Variants in ANK1 observed in about 807,000 individuals in gnomAD.
ANK1 encodes ankyrin 1, also known as ankyrin-1.
ANK1 carries 51 observed loss-of-function variants against 210.4 expected under a neutral mutation model. That is an observed-to-expected ratio of 0.24 (90% CI 0.19 to 0.31). The LOEUF (loss-of-function observed/expected upper bound fraction) is 0.31, where lower values mean the gene tolerates loss of function less well. Among genes scored for constraint, ANK1 ranks in the 10% least tolerant of loss-of-function variants. ANK1 has a pLI of 1.00. For synonymous variants in ANK1, 967 were observed against 1,025.9 expected, an observed-to-expected ratio of 0.94 and a Z score of 1.10; for missense variants, 2,051 against 2,504.4, an observed-to-expected ratio of 0.82 and a Z score of 3.86.
chr8:41,885,031 G>A (rs1046023650), intron 1 of ANK1, among the ~76,000 whole-genome samples: 4 of 151,912 alleles, frequency 2.6e-5, no homozygotes, highest in Non-Finnish European at 5.9e-5. Flanking sequence ...AAGGGTTTTC[G>A]GAAGGGAAGT....
At chr8:41,809,682 C>T (rs1392291149) in intron 1 of ANK1, among the ~76,000 whole-genome samples, 2 of 152,240 alleles carry the variant, frequency 1.3e-5, no homozygotes, top group South Asian at 4.1e-4. Flanking sequence ...GCAGGAGGGT[C>T]GCTTGAGCCC....
intron 1 of ANK1, among the ~76,000 whole-genome samples, chr8:41,821,163 G>T (rs535673806): frequency 6.6e-6 from 1 of 152,050 alleles, no homozygotes; most frequent in Non-Finnish European, 1.5e-5. Context: ...GTCTCCTAAG[G>T]TCATATTTTA....
chr8:41,845,547 G>T (rs757920563), intron 1 of ANK1, among the ~76,000 whole-genome samples: 1 of 152,108 alleles, frequency 6.6e-6, no homozygotes, highest in South Asian at 2.1e-4. Flanking sequence ...GGTGTGGTGC[G>T]TGCCTTTGGG....
At chr8:41,791,393 T>C (rs1452043290) in intron 1 of ANK1, among the ~76,000 whole-genome samples, 1 of 151,264 alleles carries the variant, frequency 6.6e-6, no homozygotes, top group East Asian at 1.9e-4. Flanking sequence ...GGTCTCAAGC[T>C]CCTAACCTCA....
intron 17 of ANK1, among the ~76,000 whole-genome samples, chr8:41,707,002 A>C (rs915896278): frequency 2.6e-5 from 4 of 152,220 alleles, no homozygotes; most frequent in African/African-American, 4.8e-5. Context: ...TGGGTGGCTG[A>C]GGCAGGAGAA....
Position 41,718,097 on chromosome 8 carries a change from C to T in ANK1, c.1206+9G>A, listed in dbSNP as rs766508740. 1.9e-6 allele frequency: 3 copies of T among 1,613,366 alleles called. No homozygotes were observed. Among genetic ancestry groups the T allele is most frequent in the South Asian group, 2.2e-5 (2 of 91,054 alleles). ...GCCTGCCCCCAGGCTCCTCTGCAGT[C>T]TCTCCTACCTCGGTGACCGCGTCGA... On this transcript the variant is annotated intron_variant, in intron 11 of 42. Coordinates refer to ENST00000289734, the MANE Select transcript of ANK1 (RefSeq NM_000037.4).
At position 41,725,890 on chromosome 8, in the gene ANK1, C is replaced by A. The variant is rs200639644; in HGVS notation, c.483G>T (p.Ala161=). 6.2e-7 allele frequency: 1 copy of A among 1,613,504 alleles called. No homozygotes were observed. The highest frequency in any genetic ancestry group is 1.1e-5 in the South Asian group (1 of 90,998). ...CCTTGGTGCCGTAGTTGATGAGGTGCGCGACGACGTTCTCATGGCCCTGCT... is the reference window on the plus strand; with the variant it reads ...CCTTGGTGCCGTAGTTGATGAGGTGAGCGACGACGTTCTCATGGCCCTGCT... ...ALQQGHENVV[A]HLINYGTKGK... The change falls in exon 6 of 43, where the codon GCG becomes GCT. Residue 161 remains alanine, a synonymous_variant. Coordinates refer to ENST00000289734, the MANE Select transcript of ANK1 (RefSeq NM_000037.4).
chr8:41,780,038 C>T (rs1268014906), intron 1 of ANK1, among the ~76,000 whole-genome samples: 1 of 152,180 alleles, frequency 6.6e-6, no homozygotes, highest in Non-Finnish European at 1.5e-5. Flanking sequence ...GTTCAGGCCA[C>T]TAACTCTAAT....
At chr8:41,712,912 G>A (rs950286990) in intron 16 of ANK1, among the ~76,000 whole-genome samples, 2 of 152,164 alleles carry the variant, frequency 1.3e-5, no homozygotes, top group Non-Finnish European at 2.9e-5. Context: ...GGAGTAAGTC[G>A]ACATCGCAGC....
chr8:41,734,740 A>G (rs1833013738), intron 2 of ANK1, among the ~76,000 whole-genome samples: 1 of 152,018 alleles, frequency 6.6e-6, no homozygotes, highest in East Asian at 1.9e-4. Flanking sequence ...AAAGAAAAAA[A>G]AAAGCCCACA....
intron 32 of ANK1, 28 bp downstream of exon 32, chr8:41,690,443 AGAG>A (rs1818964594): frequency 6.2e-7 from 1 of 1,614,196 alleles, no homozygotes; most frequent in African/African-American, 1.3e-5. Flanking sequence ...TTCTAGACCC[AGAG>A]GAGAACTCAG....
chr8:41,757,925 T>A, intron 2 of ANK1, 111 bp downstream of exon 2: 1 of 1,020,218 alleles, frequency 9.8e-7, no homozygotes, highest in East Asian at 2.4e-5. Context: ...CCTGGGGGAG[T>A]TTTGAGGCCA....
At chr8:41,880,249 C>A (rs558246869) in intron 1 of ANK1, among the ~76,000 whole-genome samples, 1 of 152,308 alleles carries the variant, frequency 6.6e-6, no homozygotes. Flanking sequence ...GTTGCTTTCA[C>A]GCTCCGCCGG....
chr8:41,880,496 G>A (rs1817387369), intron 1 of ANK1, among the ~76,000 whole-genome samples: 1 of 152,200 alleles, frequency 6.6e-6, no homozygotes, highest in Non-Finnish European at 1.5e-5. Context: ...CCTCACCCCA[G>A]GTCTCAGTTT....
intron 1 of ANK1, among the ~76,000 whole-genome samples, chr8:41,772,233 A>G (rs1843100811): frequency 6.6e-6 from 1 of 152,184 alleles, no homozygotes; most frequent in African/African-American, 2.4e-5. Context: ...AGAGGCTCTA[A>G]ATCAGTAGGT....
chr8:41,787,579 C>T (rs1162403422), intron 1 of ANK1, among the ~76,000 whole-genome samples: 1 of 152,206 alleles, frequency 6.6e-6, no homozygotes, highest in Non-Finnish European at 1.5e-5. Context: ...TAGCTTCAAA[C>T]ATCCTTGAAA....
intron 1 of ANK1, among the ~76,000 whole-genome samples, chr8:41,859,504 G>A (rs977710719): frequency 2.0e-5 from 3 of 152,088 alleles, no homozygotes; most frequent in Non-Finnish European, 4.4e-5. Context: ...ACACAACCAC[G>A]CCTGACTAAT....
At chr8:41,877,299 G>T (rs1269952760) in intron 1 of ANK1, among the ~76,000 whole-genome samples, 4 of 152,250 alleles carry the variant, frequency 2.6e-5, no homozygotes, top group Non-Finnish European at 5.9e-5. Context: ...TATGCTCCAG[G>T]CTGGGGAAAG....
At position 41,758,027 on chromosome 8, in the gene ANK1, C is replaced by T. The variant is rs1839572485; in HGVS notation, c.129+9G>A. 1.2e-6 allele frequency: 2 copies of T among 1,612,398 alleles called. No homozygotes were observed. The highest frequency in any genetic ancestry group is 1.7e-6 in the Non-Finnish European group (2 of 1,178,548). Reference sequence around the variant, plus strand: ...TCAGAGACAACAGGCCTGCCTCCATCCCACTTACCTGGTTACAGGTGTTAA... The same window carrying T: ...TCAGAGACAACAGGCCTGCCTCCATTCCACTTACCTGGTTACAGGTGTTAA... On this transcript the variant is annotated intron_variant, in intron 2 of 42. Coordinates refer to ENST00000289734, the MANE Select transcript of ANK1 (RefSeq NM_000037.4).
Sources: gnomAD v4.1 joint callset for allele counts (sites outside exome capture counted in the v4.1 genomes callset) on GRCh38, gnomAD v4.1.1 for gene constraint, MANE v1.5 for transcripts, NCBI Gene and HGNC (gene_info 2026-07-23, HGNC 2026-07-21) for gene names.